VPS53: variants seen among roughly 807,000 people sequenced by gnomAD.
VPS53 encodes the protein VPS53 subunit of GARP complex.
Under a neutral mutation model 107.0 loss-of-function variants are expected in VPS53, and 70 were observed. That is an observed-to-expected ratio of 0.65 (90% CI 0.54 to 0.80). VPS53 has a LOEUF of 0.80. VPS53 is among the 30% of genes least tolerant of loss of function. The pLI, the probability that VPS53 is intolerant of heterozygous loss-of-function variation, is 0.00. For missense variants in VPS53, 917 were observed against 1,049.4 expected (o/e 0.87, Z 1.74); for synonymous variants, 409 against 393.3 (o/e 1.04, Z -0.47).
intron 13 of VPS53, among the ~76,000 whole-genome samples, chr17:569,981 A>C (rs147119810): frequency 0.016 from 2,395 of 152,230 alleles, 27 homozygotes; most frequent in Middle Eastern, 0.031. Flanking sequence ...AAGATGAGGA[A>C]AAGGATATTG....
intron 5 of VPS53, among the ~76,000 whole-genome samples, chr17:660,367 T>C (rs770684785): frequency 1.7e-4 from 26 of 152,032 alleles, no homozygotes; most frequent in Non-Finnish European, 3.5e-4. Context: ...TCAACAAAGA[T>C]CACTTCTCCC....
intron 4 of VPS53, among the ~76,000 whole-genome samples, chr17:677,571 A>T (rs1022301453): frequency 6.6e-6 from 1 of 152,132 alleles, no homozygotes; most frequent in Non-Finnish European, 1.5e-5. Flanking sequence ...TGTAATTAAT[A>T]CCACTAATTA....
At chr17:525,996 CAAAAAAAAAAA>C (rs10677094) in intron 19 of VPS53, among the ~76,000 whole-genome samples, 1 of 74,686 alleles carries the variant, frequency 1.3e-5, no homozygotes, top group Non-Finnish European at 2.5e-5. Flanking sequence ...GACATTTTCT[CAAAAAAAAAAA>C]AAAAAAAAAA....
At chr17:566,223 G>C (rs115118433) in intron 13 of VPS53, among the ~76,000 whole-genome samples, 1 of 143,084 alleles carries the variant, frequency 7.0e-6, no homozygotes, top group African/African-American at 2.7e-5. Context: ...AAAAAAAAAA[G>C]AAAGAAATAA....
intron 4 of VPS53, among the ~76,000 whole-genome samples, chr17:679,981 C>G (rs1330333597): frequency 1.3e-5 from 2 of 152,008 alleles, no homozygotes; most frequent in Non-Finnish European, 2.9e-5. Flanking sequence ...AACCCCGTCT[C>G]TACTAAAAAT....
intron 3 of VPS53, among the ~76,000 whole-genome samples, chr17:698,884 A>G (rs1280340395): frequency 1.3e-5 from 2 of 152,062 alleles, no homozygotes; most frequent in Non-Finnish European, 2.9e-5. Flanking sequence ...AAATAATTAT[A>G]TGGCCGGGTG....
At chr17:632,072 G>T (rs1234342933) in intron 7 of VPS53, among the ~76,000 whole-genome samples, 3 of 152,126 alleles carry the variant, frequency 2.0e-5, no homozygotes, top group African/African-American at 7.2e-5. Context: ...ACATTAGAGA[G>T]ATCCAGTCTC....
At chr17:671,247 G>GAAA (rs1971930377) in intron 4 of VPS53, among the ~76,000 whole-genome samples, 1 of 84,342 alleles carries the variant, frequency 1.2e-5, no homozygotes, top group Non-Finnish European at 2.6e-5. Flanking sequence ...AAAGAAAGAA[G>GAAA]AAAGGAAAAG....
intron 7 of VPS53, among the ~76,000 whole-genome samples, chr17:642,120 C>A (rs529681902): frequency 3.3e-5 from 5 of 152,244 alleles, no homozygotes; most frequent in African/African-American, 1.2e-4. Flanking sequence ...AAGAAAACAC[C>A]CCCAACAGTT....
intron 13 of VPS53, among the ~76,000 whole-genome samples, chr17:571,119 C>T (rs970921200): frequency 4.6e-5 from 7 of 151,874 alleles, no homozygotes; most frequent in African/African-American, 1.2e-4. Context: ...TTGAGACCAG[C>T]CCGAGCAACA....
chr17:639,333 G>A (rs1364508463), intron 7 of VPS53, among the ~76,000 whole-genome samples: 2 of 152,210 alleles, frequency 1.3e-5, no homozygotes, highest in East Asian at 3.9e-4. Context: ...CTTTTTTCAA[G>A]GTTTTTAGCT....
At chr17:615,838 C>T (rs1438618007) in intron 11 of VPS53, among the ~76,000 whole-genome samples, 2 of 152,198 alleles carry the variant, frequency 1.3e-5, no homozygotes, top group Non-Finnish European at 2.9e-5. Context: ...GGGGTCAGGA[C>T]AGCTGGAACT....
chr17:672,175 ATCTCTCTCTCTC>A lies in VPS53; in HGVS notation c.286-10292_286-10281del, dbSNP rs10539620. ...ACAATCTCTCTCTCACACAATCTCA[ATCTCTCTCTCTC>A]TCTCTCTCTCTCTCTCTCTCTCTCT... On this transcript the variant is annotated intron_variant, in intron 4 of 21. Coordinates refer to ENST00000437048, the MANE Select transcript of VPS53 (RefSeq NM_001128159.3). Among the ~76,000 whole-genome samples the A allele has an allele frequency of 1.5e-3, 162 of 107,158 alleles. 1 individual carries two copies. Among genetic ancestry groups the A allele is most frequent in the African/African-American group, 4.9e-3 (145 of 29,316 alleles). The allele number at this position is 107,158 out of a possible 152,430, so 70.3% of individuals were successfully genotyped here.
rs1451584495 is a variant in VPS53 at position 534,077 on chromosome 17, T to C, written c.2016-1166A>G. ...CTGGTCTCGAACTCCTGGCCTCAAG[T>C]GATCCTCTTGCCTCGGCCCCACAAA... On this transcript the variant is annotated intron_variant, in intron 18 of 21. Transcript: ENST00000437048. Among the ~76,000 whole-genome samples the C allele has an allele frequency of 2.6e-5, 4 of 152,306 alleles. No individual in the cohort carries two copies. In the East Asian group the frequency reaches 7.7e-4, roughly 29 times the overall value.
At chr17:562,216 T>C (rs1913070622) in intron 14 of VPS53, among the ~76,000 whole-genome samples, 1 of 152,214 alleles carries the variant, frequency 6.6e-6, no homozygotes, top group Non-Finnish European at 1.5e-5. Context: ...CAAGTATCTA[T>C]AGCTGAATCC....
intron 7 of VPS53, chr17:632,866 T>C: frequency 2.4e-6 from 1 of 425,200 alleles, no homozygotes; most frequent in South Asian, 1.7e-5. Flanking sequence ...ACCAACAAGC[T>C]CGTTAAGTTT....
rs142901871 is a variant in VPS53 at position 577,205 on chromosome 17, G to A, written c.1313+9065C>T. ...AGAACTTCCCTCAGGACGTCAATGC[G>A]TTCCCAGAGAACCTCCCTCAGAACC... On this transcript the variant is annotated intron_variant, in intron 13 of 21. Transcript: ENST00000437048. 4.8e-3 allele frequency among the ~76,000 whole-genome samples: 710 copies of A among 147,286 alleles called. 1 individual carries two copies. The highest frequency in any genetic ancestry group is 8.1e-3 in the Non-Finnish European group (544 of 66,898).
At chr17:548,890 T>A (rs187811309) in intron 17 of VPS53, among the ~76,000 whole-genome samples, 2 of 152,360 alleles carry the variant, frequency 1.3e-5, no homozygotes, top group South Asian at 2.1e-4. Flanking sequence ...TTCGCCCTCA[T>A]CTGTTTCAAA....
At chr17:529,458 T>C (rs1385575032) in intron 19 of VPS53, among the ~76,000 whole-genome samples, 1 of 151,924 alleles carries the variant, frequency 6.6e-6, no homozygotes, top group Non-Finnish European at 1.5e-5. Context: ...ATAGATAAAT[T>C]GATACAGTAA....
Sources: gnomAD v4.1 joint callset for allele counts (sites outside exome capture counted in the v4.1 genomes callset) on GRCh38, gnomAD v4.1.1 for gene constraint, MANE v1.5 for transcripts, NCBI Gene and HGNC (gene_info 2026-07-23, HGNC 2026-07-21) for gene names.